ADAMTS20: variants seen among roughly 807,000 people sequenced by gnomAD.
ADAMTS20 encodes A disintegrin and metalloproteinase with thrombospondin motifs 20.
A neutral mutation model predicts 260.1 loss-of-function variants in ADAMTS20; 225 were observed. The ratio of observed to expected loss-of-function variants is 0.87; its 90% CI spans 0.78 to 0.97. The LOEUF is 0.97. ADAMTS20 is among the 50% of genes least tolerant of loss of function. The pLI is 0.00. For synonymous variants in ADAMTS20, 802 were observed against 769.5 expected (o/e 1.04, Z -0.70); for missense variants, 2,400 against 2,337.7 (o/e 1.03, Z -0.55).
In ADAMTS20 at chr12:43,399,116, C is replaced by CTT. The variant is rs754729039; in HGVS notation, c.4400_4401dup (p.Ala1468LysfsTer21). The CTT allele has an allele frequency of 1.3e-6, 2 of 1,551,122 alleles. No individual in the cohort carries two copies. The highest frequency in any genetic ancestry group is 4.9e-5 in the East Asian group (2 of 41,116). ...GAAGGGCATCTGACAGATCTACAGG[C>CTT]TTTGTGAGTTGGAGGTTTCTGTACT... is the stretch of plus-strand genomic sequence containing the variant. On this transcript the variant is annotated frameshift_variant, in exon 29 of 39. Coordinates refer to ENST00000389420, the MANE Select transcript of ADAMTS20 (RefSeq NM_025003.5). LOFTEE classifies it high-confidence loss of function.
intron 11 of ADAMTS20, among the ~76,000 whole-genome samples, chr12:43,458,099 T>A (rs1378249083): frequency 1.3e-5 from 2 of 152,174 alleles, no homozygotes; most frequent in Admixed American, 1.3e-4. Context: ...TAGGGAGACA[T>A]GAGACATCAG....
At chr12:43,401,737 T>C (rs1940814012) in intron 28 of ADAMTS20, among the ~76,000 whole-genome samples, 1 of 97,544 alleles carries the variant, frequency 1.0e-5, no homozygotes, top group South Asian at 5.1e-4. Context: ...AGTATATTTT[T>C]ATGCTTTTTT....
At chr12:43,505,419 A>G (rs867655085) in intron 3 of ADAMTS20, among the ~76,000 whole-genome samples, 10 of 152,210 alleles carry the variant, frequency 6.6e-5, no homozygotes, top group Admixed American at 3.9e-4. Context: ...GAATATAAAA[A>G]AATTCCTGCA....
At chr12:43,524,230 G>T (rs1454346409) in intron 3 of ADAMTS20, among the ~76,000 whole-genome samples, 1 of 151,690 alleles carries the variant, frequency 6.6e-6, no homozygotes, top group Non-Finnish European at 1.5e-5. Flanking sequence ...GAAAGCTATC[G>T]CTCTCTATAA....
intron 18 of ADAMTS20, among the ~76,000 whole-genome samples, chr12:43,436,636 T>C (rs983430384): frequency 1.3e-5 from 2 of 152,172 alleles, no homozygotes; most frequent in Non-Finnish European, 2.9e-5. Flanking sequence ...GCTACCATAT[T>C]GCACAGCATA....
At chr12:43,395,222 C>T (rs1029388823) in intron 29 of ADAMTS20, among the ~76,000 whole-genome samples, 2 of 152,176 alleles carry the variant, frequency 1.3e-5, no homozygotes, top group Non-Finnish European at 2.9e-5. Context: ...GAACCCTAGT[C>T]TACCTTCACC....
chr12:43,455,595 T>C (rs1298716464), intron 11 of ADAMTS20, among the ~76,000 whole-genome samples: 1 of 152,180 alleles, frequency 6.6e-6, no homozygotes, highest in African/African-American at 2.4e-5. Flanking sequence ...ACTGTTACAC[T>C]GGCAATTAAA....
At chr12:43,376,502 AT>A in intron 33 of ADAMTS20, 21 bp downstream of exon 33, 1 of 1,596,318 alleles carries the variant, frequency 6.3e-7, no homozygotes, top group Non-Finnish European at 8.5e-7. Context: ...TAGGTATTAG[AT>A]TTTTGAAGTC....
chr12:43,427,220 T>C (rs1941349816), intron 27 of ADAMTS20, 88 bp downstream of exon 27: 2 of 1,412,384 alleles, frequency 1.4e-6, no homozygotes, highest in South Asian at 1.4e-5. Flanking sequence ...TATAGTGAAA[T>C]CAGATTATTG....
Position 43,369,342 on chromosome 12 carries a change from G to C in ADAMTS20, c.5486C>G (p.Ala1829Gly). 1.3e-6 allele frequency: 2 copies of C among 1,564,258 alleles called. No homozygotes were observed. The highest frequency in any genetic ancestry group is 1.2e-5 in the South Asian group (1 of 82,134). The change falls in exon 37 of 39, where the codon GCA (alanine) becomes GGA (glycine). Residue 1829 changes from alanine to glycine, a missense_variant. By Grantham distance (60) the Ala-to-Gly change is moderately conservative (BLOSUM62 0). Coordinates refer to ENST00000389420, the MANE Select transcript of ADAMTS20 (RefSeq NM_025003.5). ...LLFSKTIFGN[A>G]VPFATAGDCY... ...ATCTCCAGCTGTGGCAAATGGAACTGCATTTCCAAATATTGTTTTGGAAAA... is the reference window on the plus strand; with the variant it reads ...ATCTCCAGCTGTGGCAAATGGAACTCCATTTCCAAATATTGTTTTGGAAAA...
chr12:43,428,756 C>T lies in ADAMTS20; in HGVS notation c.3533G>A (p.Ser1178Asn), dbSNP rs1941385275. ...TATTCTATCAAGAGCATCACGACAG[C>T]TTACATAGCGGGCTTGAGTACCTCT... ...CGRGTQARYV[S>N]CRDALDRIAD... The change falls in exon 25 of 39, where the codon AGC becomes AAC. Residue 1178 changes from serine (S) to asparagine (N), a missense_variant. Ser to Asn is a conservative substitution (Grantham distance 46). Coordinates refer to ENST00000389420, the MANE Select transcript of ADAMTS20 (RefSeq NM_025003.5). 1 of 1,610,524 alleles carries T rather than the reference C, an allele frequency of 6.2e-7. No homozygotes were observed. Among genetic ancestry groups the T allele is most frequent in the African/African-American group, 1.3e-5 (1 of 74,820 alleles).
intron 28 of ADAMTS20, among the ~76,000 whole-genome samples, chr12:43,416,343 C>T (rs1443828379): frequency 1.5e-5 from 2 of 131,898 alleles, no homozygotes; most frequent in Non-Finnish European, 3.3e-5. Context: ...GTTTTGACAC[C>T]CAGTCCAAAA....
chr12:43,458,082 T>C (rs889511031), intron 11 of ADAMTS20, among the ~76,000 whole-genome samples: 1 of 152,216 alleles, frequency 6.6e-6, no homozygotes, highest in African/African-American at 2.4e-5. Flanking sequence ...CTTGTTTTTA[T>C]ACATTTTAGG....
At position 43,453,994 on chromosome 12, in the gene ADAMTS20, T is replaced by G; in HGVS notation, c.1673A>C (p.Glu558Ala). The G allele has an allele frequency of 6.2e-7, 1 of 1,613,804 alleles. No homozygotes were observed. Among genetic ancestry groups the G allele is most frequent in the Non-Finnish European group, 8.5e-7 (1 of 1,179,820 alleles). Residue 558 changes from glutamate (E) to alanine (A), a missense_variant, in exon 12 of 39, where the codon GAA becomes GCA. Coordinates refer to ENST00000389420, the MANE Select transcript of ADAMTS20 (RefSeq NM_025003.5). ...KETETRPVNG[E>A]WGPWEPYSSC... is the part of the protein sequence containing the mutation. The stretch of plus-strand genomic sequence containing the variant: ...ACTGTAAGGTTCCCATGGTCCCCAT[T>G]CACCATTTACAGGACGTGTTTCCGT...
At chr12:43,520,395 A>C (rs146563568) in intron 3 of ADAMTS20, among the ~76,000 whole-genome samples, 9 of 152,330 alleles carry the variant, frequency 5.9e-5, no homozygotes, top group African/African-American at 1.9e-4. Context: ...AGCACTTTAA[A>C]AAATGCTTAA....
At chr12:43,377,288 ATAC>A (rs1940250234) in intron 32 of ADAMTS20, 74 bp downstream of exon 32, 1 of 1,342,488 alleles carries the variant, frequency 7.4e-7, no homozygotes, top group Non-Finnish European at 1.0e-6. Flanking sequence ...CTAGTTAGAC[ATAC>A]AAACAGATTA....
intron 3 of ADAMTS20, among the ~76,000 whole-genome samples, chr12:43,506,936 G>T (rs1942852353): frequency 6.6e-6 from 1 of 152,162 alleles, no homozygotes; most frequent in Non-Finnish European, 1.5e-5. Context: ...GTAGAACAGT[G>T]GTTGTCAGGA....
At chr12:43,463,688 A>G (rs1231508731) in intron 10 of ADAMTS20, among the ~76,000 whole-genome samples, 1 of 152,228 alleles carries the variant, frequency 6.6e-6, no homozygotes, top group East Asian at 1.9e-4. Context: ...TAGGAAGAAT[A>G]GTCGCTATAT....
At chr12:43,486,806 A>G (rs555812989) in intron 7 of ADAMTS20, among the ~76,000 whole-genome samples, 60 of 152,368 alleles carry the variant, frequency 3.9e-4, no homozygotes, top group Non-Finnish European at 7.1e-4. Flanking sequence ...CAATTGGCCA[A>G]CAAACATATG....
Sources: gnomAD v4.1 joint callset for allele counts (sites outside exome capture counted in the v4.1 genomes callset) on GRCh38, gnomAD v4.1.1 for gene constraint, MANE v1.5 for transcripts, NCBI Gene and HGNC (gene_info 2026-07-23, HGNC 2026-07-21) for gene names.